INO80: variants seen among roughly 807,000 people sequenced by gnomAD.
INO80 encodes chromatin-remodeling ATPase INO80.
In INO80, 20 loss-of-function variants were observed where a neutral mutation model predicts 203.4. The ratio of observed to expected loss-of-function variants is 0.10; its 90% CI spans 0.07 to 0.14. The LOEUF (loss-of-function observed/expected upper bound fraction) is 0.14. Ranked by LOEUF, INO80 falls within the 10% of genes least tolerant of loss-of-function variation. The pLI is 1.00. For synonymous variants in INO80, 726 were observed against 685.2 expected, an observed-to-expected ratio of 1.06 and a Z score of -0.93; for missense variants, 1,419 against 1,914.4, an observed-to-expected ratio of 0.74 and a Z score of 4.83.
At chr15:41,046,401 GTTT>G (rs887937256) in intron 23 of INO80, among the ~76,000 whole-genome samples, 28 of 150,118 alleles carry the variant, frequency 1.9e-4, no homozygotes, top group African/African-American at 5.9e-4. Context: ...TAATTTTTGT[GTTT>G]TTATTACAGA....
At chr15:41,111,892 A>G (rs768322274) in intron 1 of INO80, among the ~76,000 whole-genome samples, 33 of 152,096 alleles carry the variant, frequency 2.2e-4, no homozygotes, top group Non-Finnish European at 4.4e-4. Context: ...AAAGCCGTCC[A>G]AGATACATTA....
At chr15:41,087,482 A>C in intron 6 of INO80, 80 bp downstream of exon 6, 1 of 1,452,584 alleles carries the variant, frequency 6.9e-7, no homozygotes, top group Non-Finnish European at 9.4e-7. Flanking sequence ...CTTATATATA[A>C]AGTCCAAATG....
intron 29 of INO80, among the ~76,000 whole-genome samples, chr15:40,989,528 G>T (rs1020371440): frequency 2.0e-5 from 3 of 152,170 alleles, no homozygotes; most frequent in Non-Finnish European, 4.4e-5. Flanking sequence ...CCTTTCTACT[G>T]TAACAATCCC....
chr15:41,044,187 T>C (rs1352224985), intron 24 of INO80, among the ~76,000 whole-genome samples: 1 of 152,208 alleles, frequency 6.6e-6, no homozygotes. Context: ...GTGTAGCAAT[T>C]CCATTCCTGG....
intron 27 of INO80, 56 bp from the exon 28 acceptor site, chr15:41,005,743 T>C: frequency 1.0e-6 from 1 of 976,852 alleles, no homozygotes; most frequent in Non-Finnish European, 1.6e-6. Context: ...TGTATTCTGA[T>C]TTCCACAGGC....
chr15:40,987,284 T>C, intron 30 of INO80, 91 bp from the exon 31 acceptor site: 1 of 732,390 alleles, frequency 1.4e-6, no homozygotes. Context: ...CTCAACCCAC[T>C]CCTCAGGGGA....
At chr15:40,985,126 C>T (rs1157106447) in intron 32 of INO80, among the ~76,000 whole-genome samples, 3 of 152,050 alleles carry the variant, frequency 2.0e-5, no homozygotes, top group East Asian at 1.9e-4. Flanking sequence ...CTGTGACCAC[C>T]GTAAGGGTGA....
At chr15:41,017,862 C>G (rs978565210) in intron 26 of INO80, 13 of 152,212 alleles carry the variant, frequency 8.5e-5, no homozygotes, top group African/African-American at 3.1e-4. Context: ...CTTACCAACA[C>G]AATCAAATGA....
At chr15:41,075,483 C>G (rs1362641579) in intron 9 of INO80, among the ~76,000 whole-genome samples, 1 of 151,930 alleles carries the variant, frequency 6.6e-6, no homozygotes, top group Non-Finnish European at 1.5e-5. Context: ...GGGGCAGAGT[C>G]TCCCTCTGTC....
intron 9 of INO80, among the ~76,000 whole-genome samples, chr15:41,076,595 T>C (rs1288921750): frequency 6.7e-6 from 1 of 148,550 alleles, no homozygotes; most frequent in East Asian, 2.0e-4. Flanking sequence ...TAAAAAAATT[T>C]GCCAGGCATG....
chr15:41,034,104 C>G (rs1566920764), intron 24 of INO80, among the ~76,000 whole-genome samples: 1 of 152,094 alleles, frequency 6.6e-6, no homozygotes, highest in Non-Finnish European at 1.5e-5. Context: ...CAAAACACCT[C>G]TAAGTATCAA....
At chr15:40,981,393 G>A (rs145976439) in intron 35 of INO80, among the ~76,000 whole-genome samples, 23 of 152,304 alleles carry the variant, frequency 1.5e-4, no homozygotes, top group Non-Finnish European at 2.5e-4. Flanking sequence ...CTGGACTACT[G>A]GCATGACTGT....
At position 40,979,885 on chromosome 15, in the gene INO80, T is replaced by G; in HGVS notation, c.*338A>C. The stretch of plus-strand genomic sequence containing the variant: ...CAAGGGACGTGTCAGAGCCGAAGAG[T>G]GGAATCGGGATGGAAACAGTATGCC... On this transcript the variant is annotated 3_prime_UTR_variant, in exon 36 of 36. Coordinates refer to ENST00000648947, the MANE Select transcript of INO80 (RefSeq NM_017553.3). The G allele has an allele frequency of 9.6e-6, 3 of 311,482 alleles. No individual in the cohort carries two copies. Among genetic ancestry groups the G allele is most frequent in the Non-Finnish European group, 1.8e-5 (3 of 162,966 alleles). 19.3% of individuals were successfully genotyped at this position (311,482 alleles called of 1,614,324 possible). A position where few individuals can be genotyped will look rare whatever the true frequency, so the allele number is the denominator to read the frequency against.
chr15:41,031,544 GA>G (rs2044464804), intron 24 of INO80, among the ~76,000 whole-genome samples: 1 of 5,418 alleles, frequency 1.8e-4, no homozygotes, highest in Non-Finnish European at 7.5e-4. Context: ...GGGAGGAAGG[GA>G]GGAGGGAGGA....
intron 28 of INO80, among the ~76,000 whole-genome samples, chr15:41,002,416 A>T (rs2043970588): frequency 6.6e-6 from 1 of 152,190 alleles, no homozygotes; most frequent in South Asian, 2.1e-4. Context: ...AGAGGTAATA[A>T]ATTATACACC....
intron 1 of INO80, among the ~76,000 whole-genome samples, chr15:41,111,172 G>A (rs1037716450): frequency 1.3e-5 from 2 of 152,202 alleles, no homozygotes; most frequent in African/African-American, 2.4e-5. Flanking sequence ...TAGGCCAGCC[G>A]TGGTGGTTCA....
At chr15:41,020,216 A>T (rs761197587) in intron 26 of INO80, among the ~76,000 whole-genome samples, 1 of 151,988 alleles carries the variant, frequency 6.6e-6, no homozygotes, top group South Asian at 2.1e-4. Flanking sequence ...GCGGGACTCC[A>T]TCTCAAAAAA....
At chr15:41,070,742 C>A (rs2045296319) in intron 12 of INO80, among the ~76,000 whole-genome samples, 195 bp from the exon 13 acceptor site, 1 of 152,238 alleles carries the variant, frequency 6.6e-6, no homozygotes, top group African/African-American at 2.4e-5. Flanking sequence ...AACCATGATA[C>A]ATGAGACAGG....
rs751364468 is a variant in INO80, at chr15:41,095,749, C to A, written c.313+10G>T. On this transcript the variant is annotated intron_variant, in intron 3 of 35. Transcript: ENST00000648947. ...CGATAGTCCAAAGGGGGATGTCACA[C>A]CACACTGACCTGACTGTAGAACTCC... 1.9e-6 allele frequency: 3 copies of A among 1,613,896 alleles called. No individual in the cohort carries two copies. Among genetic ancestry groups the A allele is most frequent in the African/African-American group, 2.7e-5 (2 of 75,064 alleles).
Sources: allele counts gnomAD v4.1 joint callset (sites outside exome capture counted in the v4.1 genomes callset), GRCh38; gene constraint gnomAD v4.1.1; transcripts MANE v1.5; gene names NCBI Gene and HGNC (gene_info 2026-07-23, HGNC 2026-07-21).